Variants in DLGAP1 observed in about 807,000 individuals in gnomAD.
DLGAP1 encodes the protein DLG associated protein 1.
DLGAP1 carries 11 observed loss-of-function variants against 90.8 expected under a neutral mutation model. The ratio of observed to expected loss-of-function variants is 0.12; its 90% CI spans 0.08 to 0.20. The LOEUF (loss-of-function observed/expected upper bound fraction) is 0.20, where lower values mean the gene tolerates loss of function less well. Among genes scored for constraint, DLGAP1 ranks in the 10% least tolerant of loss-of-function variants. The pLI is 1.00. For missense variants in DLGAP1, 1,050 were observed against 1,333.8 expected (o/e 0.79, Z 3.31); for synonymous variants, 558 against 540.7 (o/e 1.03, Z -0.44).
chr18:4,426,558 C>A (rs280994), intron 1 of DLGAP1, among the ~76,000 whole-genome samples: 74,750 of 151,982 alleles, frequency 0.49, 19,701 homozygotes, highest in South Asian at 0.63. Context: ...GACATCTTGC[C>A]TTTGCACCAC....
At chr18:4,133,599 C>A (rs2076352635) in intron 2 of DLGAP1, among the ~76,000 whole-genome samples, 1 of 152,142 alleles carries the variant, frequency 6.6e-6, no homozygotes, top group Admixed American at 6.6e-5. Context: ...GTTAGACACA[C>A]TTTTCTACTT....
intron 3 of DLGAP1, among the ~76,000 whole-genome samples, chr18:3,971,566 G>C (rs138784697): frequency 6.6e-6 from 1 of 152,210 alleles, no homozygotes; most frequent in African/African-American, 2.4e-5. Context: ...ATGTGTAATT[G>C]ACTGGTATGA....
chr18:4,303,734 A>G (rs2080183148), intron 1 of DLGAP1, among the ~76,000 whole-genome samples: 1 of 152,220 alleles, frequency 6.6e-6, no homozygotes, highest in Non-Finnish European at 1.5e-5. Context: ...TCAATTATGC[A>G]AAGAGTAATG....
intron 5 of DLGAP1, among the ~76,000 whole-genome samples, chr18:3,765,350 T>C (rs1252502063): frequency 6.6e-6 from 1 of 150,658 alleles, no homozygotes; most frequent in Non-Finnish European, 1.5e-5. Context: ...CAGGATGGTC[T>C]CGATCTCCTG....
intron 4 of DLGAP1, among the ~76,000 whole-genome samples, chr18:3,818,346 G>GTTTTTTTT (rs398031872): frequency 7.5e-5 from 5 of 66,456 alleles, no homozygotes; most frequent in Admixed American, 4.0e-4. Flanking sequence ...TGTAGGGATG[G>GTTTTTTTT]TTTTTTTTTT....
intron 3 of DLGAP1, among the ~76,000 whole-genome samples, chr18:3,945,779 T>C (rs1258790450): frequency 6.5e-5 from 2 of 30,890 alleles, no homozygotes; most frequent in African/African-American, 2.7e-4. Flanking sequence ...ACTTAAAGTA[T>C]AATAATAAAA....
At chr18:3,829,802 C>G (rs2067932524) in intron 4 of DLGAP1, among the ~76,000 whole-genome samples, 1 of 152,150 alleles carries the variant, frequency 6.6e-6, no homozygotes, top group Admixed American at 6.5e-5. Context: ...TATACAATTA[C>G]TTTACTGCAA....
chr18:4,039,691 CA>C (rs1430260513), intron 2 of DLGAP1, among the ~76,000 whole-genome samples: 3 of 152,012 alleles, frequency 2.0e-5, no homozygotes, highest in Non-Finnish European at 4.4e-5. Flanking sequence ...TATGACTCTT[CA>C]AATATAAAAT....
chr18:3,974,074 T>C (rs1187227982), intron 3 of DLGAP1, among the ~76,000 whole-genome samples: 2 of 152,022 alleles, frequency 1.3e-5, no homozygotes, highest in Admixed American at 6.6e-5. Context: ...GTAAAGACAC[T>C]TTTTATTTTT....
intron 1 of DLGAP1, among the ~76,000 whole-genome samples, chr18:4,355,740 ATCTT>A (rs909136110): frequency 6.3e-5 from 4 of 63,232 alleles, no homozygotes; most frequent in African/African-American, 1.9e-4. Flanking sequence ...ACAATCCGGG[ATCTT>A]TTTTTTTTTT....
At chr18:4,183,857 A>G (rs1176572615) in intron 1 of DLGAP1, among the ~76,000 whole-genome samples, 3 of 152,134 alleles carry the variant, frequency 2.0e-5, no homozygotes, top group East Asian at 3.9e-4. Context: ...CACATCAAAT[A>G]TGGCCTAAGT....
chr18:3,855,497 C>T (rs765715964), intron 4 of DLGAP1, among the ~76,000 whole-genome samples: 1 of 151,946 alleles, frequency 6.6e-6, no homozygotes, highest in Non-Finnish European at 1.5e-5. Flanking sequence ...ACTTAAGTGG[C>T]AAATAATGGT....
intron 2 of DLGAP1, among the ~76,000 whole-genome samples, chr18:4,022,427 CA>C (rs1295824776): frequency 6.7e-6 from 1 of 148,874 alleles, no homozygotes; most frequent in Non-Finnish European, 1.5e-5. Flanking sequence ...ACACACACCA[CA>C]CACACACAGA....
Position 4,301,321 on chromosome 18 carries a change from A to G in DLGAP1, c.-266-150034T>C, listed in dbSNP as rs192047300. Among the ~76,000 whole-genome samples the G allele has an allele frequency of 1.7e-3, 261 of 152,306 alleles. 1 individual carries two copies. The highest frequency in any genetic ancestry group is 6.1e-3 in the African/African-American group (255 of 41,574). ...CACCTCTCAGCCTCTGGTAACCATC[A>G]TTCCACTCTCTACTTCTGTAAGTTA... On this transcript the variant is annotated intron_variant, in intron 1 of 12. Transcript: ENST00000315677.
intron 2 of DLGAP1, among the ~76,000 whole-genome samples, chr18:4,104,325 C>T (rs2075825477): frequency 6.6e-6 from 1 of 152,120 alleles, no homozygotes; most frequent in African/African-American, 2.4e-5. Flanking sequence ...GTTGTGTCTA[C>T]AATTTTCAGA....
intron 1 of DLGAP1, among the ~76,000 whole-genome samples, chr18:4,221,700 T>C (rs1000357310): frequency 6.6e-6 from 1 of 152,068 alleles, no homozygotes; most frequent in Admixed American, 6.6e-5. Flanking sequence ...CTGCTGAAAT[T>C]TTAAAGGTAT....
At chr18:3,547,067 C>G (rs1050249007) in intron 9 of DLGAP1, among the ~76,000 whole-genome samples, 1 of 151,860 alleles carries the variant, frequency 6.6e-6, no homozygotes, top group Non-Finnish European at 1.5e-5. Flanking sequence ...TTTGAGAGGC[C>G]GTGGCAGGTG....
At chr18:3,659,684 G>T (rs79417339) in intron 7 of DLGAP1, among the ~76,000 whole-genome samples, 2 of 151,778 alleles carry the variant, frequency 1.3e-5, no homozygotes, top group African/African-American at 2.4e-5. Flanking sequence ...TCCTACCTCA[G>T]CGTCCCGAGT....
In DLGAP1 at chr18:4,297,653, G is replaced by C. The variant is rs182105675; in HGVS notation, c.-266-146366C>G. Among the ~76,000 whole-genome samples the C allele has an allele frequency of 9.9e-5, 15 of 152,268 alleles. No individual in the cohort carries two copies. In the East Asian group the frequency reaches 2.9e-3, roughly 29 times the overall value. ...GGAGAGTAATGTCTCCATTAAGATA[G>C]ACAGCACGGGAGAGATCTGGAGACA... On this transcript the variant is annotated intron_variant, in intron 1 of 12. Coordinates refer to ENST00000315677, the MANE Select transcript of DLGAP1 (RefSeq NM_004746.4).
Sources: gnomAD v4.1 joint callset for allele counts (sites outside exome capture counted in the v4.1 genomes callset) on GRCh38, gnomAD v4.1.1 for gene constraint, MANE v1.5 for transcripts, NCBI Gene and HGNC (gene_info 2026-07-23, HGNC 2026-07-21) for gene names.